ADGRG2: variants seen among roughly 807,000 people sequenced by gnomAD.
ADGRG2 encodes the protein G protein-coupled receptor 64.
ADGRG2 carries 26 observed loss-of-function variants against 74.1 expected under a neutral mutation model. The observed-to-expected ratio is 0.35, with a 90% CI of 0.26 to 0.49. The LOEUF (loss-of-function observed/expected upper bound fraction) is 0.49, where lower values mean the gene tolerates loss of function less well. Among genes scored for constraint, ADGRG2 ranks in the 20% least tolerant of loss-of-function variants. ADGRG2 has a pLI of 0.99. For missense variants in ADGRG2, 619 were observed against 763.1 expected, an observed-to-expected ratio of 0.81 and a Z score of 2.22; for synonymous variants, 296 against 295.2, an observed-to-expected ratio of 1.00 and a Z score of -0.03.
rs946773378 is a variant in ADGRG2 at position 19,115,342 on chromosome X, T to G, written c.-47+7100A>C. On this transcript the variant is annotated intron_variant, in intron 1 of 28. Transcript: ENST00000379869. ...AAAGTCCCTGCCTTCCTGGAACTTA[T>G]ATTCCAGGAAGGAAAAGAAGACGCA... Among the ~76,000 whole-genome samples, 3 of 111,576 alleles carry G rather than the reference T, an allele frequency of 2.7e-5. No individual in the cohort carries two copies. The Admixed American group carries it at 2.9e-4, about 11-fold the overall frequency.
At chrX:19,061,634 T>C (rs1320954817) in intron 3 of ADGRG2, among the ~76,000 whole-genome samples, 1 of 112,271 alleles carries the variant, frequency 8.9e-6, no homozygotes, top group Non-Finnish European at 1.9e-5. Flanking sequence ...CTCCCTTTTG[T>C]TTCAGAGCCT....
Position 19,037,575 on chromosome X carries a change from T to C in ADGRG2, c.202+14A>G. On this transcript the variant is annotated intron_variant, in intron 5 of 28. Transcript: ENST00000379869. ...TTGGACTAAATCTAGGTTTAAATTT[T>C]TTCAAAATCTTGCCTGGAGTACCAT... is the stretch of plus-strand genomic sequence containing the variant. 1.7e-6 allele frequency: 2 copies of C among 1,164,558 alleles called. No homozygotes were observed. The highest frequency in any genetic ancestry group is 2.3e-6 in the Non-Finnish European group (2 of 862,404).
At chrX:18,996,638 C>G (rs556709364) in intron 26 of ADGRG2, among the ~76,000 whole-genome samples, 3 of 109,125 alleles carry the variant, frequency 2.7e-5, no homozygotes, top group African/African-American at 1.0e-4. Flanking sequence ...CTCTCTCCCC[C>G]TCAAACCCAG....
At chrX:19,040,130 G>A in intron 4 of ADGRG2, 59 bp downstream of exon 4, 1 of 782,698 alleles carries the variant, frequency 1.3e-6, no homozygotes, top group Non-Finnish European at 2.0e-6. Flanking sequence ...ATGTTTCATA[G>A]AGAACTTACA....
At chrX:19,119,519 T>C (rs1200335367) in intron 1 of ADGRG2, among the ~76,000 whole-genome samples, 1 of 112,048 alleles carries the variant, frequency 8.9e-6, no homozygotes, top group Non-Finnish European at 1.9e-5. Context: ...ATCCCTCCTT[T>C]CTATCTTTTG....
chrX:19,117,305 T>G (rs1347345729), intron 1 of ADGRG2, among the ~76,000 whole-genome samples: 1 of 105,956 alleles, frequency 9.4e-6, no homozygotes, highest in Non-Finnish European at 2.0e-5. Flanking sequence ...AAAAAAAAAA[T>G]TAAAAAATTA....
At chrX:19,031,513 C>A (rs145222016) in intron 8 of ADGRG2, 1 of 113,924 alleles carries the variant, frequency 8.8e-6, no homozygotes, top group Non-Finnish European at 1.8e-5. Flanking sequence ...TGGGCAAAAA[C>A]TACAAAATTC....
chrX:19,111,874 T>G (rs1252502228), intron 1 of ADGRG2, among the ~76,000 whole-genome samples: 1 of 110,996 alleles, frequency 9.0e-6, no homozygotes, highest in Non-Finnish European at 1.9e-5. Context: ...AGTAATGAAT[T>G]GCAGACCTAT....
chrX:19,020,887 G>A (rs781616982), intron 14 of ADGRG2, among the ~76,000 whole-genome samples: 4 of 110,582 alleles, frequency 3.6e-5, no homozygotes, highest in Admixed American at 9.7e-5. Context: ...ACCTGAATCC[G>A]GGAAGTGGAG....
intron 2 of ADGRG2, among the ~76,000 whole-genome samples, chrX:19,070,967 CTTCATTCATTCA>C (rs368910522): frequency 9.0e-6 from 1 of 111,061 alleles, no homozygotes; most frequent in East Asian, 2.8e-4. Flanking sequence ...TAGCTGTGCT[CTTCATTCATTCA>C]TTCATTCATT....
chrX:19,110,419 A>G lies in ADGRG2; in HGVS notation c.-47+12023T>C, dbSNP rs113221989. 1.6e-3 allele frequency among the ~76,000 whole-genome samples: 173 copies of G among 111,460 alleles called. 1 individual carries two copies. Among genetic ancestry groups the G allele is most frequent in the African/African-American group, 5.3e-3 (163 of 30,702 alleles). ...AAGGAGGGACCAGGCGCGGTGGCTCATGCCTGTAATCCCAGCACTTTGGGA... is the reference window on the plus strand; with the variant it reads ...AAGGAGGGACCAGGCGCGGTGGCTCGTGCCTGTAATCCCAGCACTTTGGGA... On this transcript the variant is annotated intron_variant, in intron 1 of 28. Coordinates refer to ENST00000379869, the MANE Select transcript of ADGRG2 (RefSeq NM_001079858.3).
chrX:19,028,565 G>A (rs1184942032), intron 9 of ADGRG2, among the ~76,000 whole-genome samples: 1 of 110,727 alleles, frequency 9.0e-6, no homozygotes, highest in East Asian at 2.8e-4. Flanking sequence ...ATATGCAGGG[G>A]TGTCCACTCT....
intron 4 of ADGRG2, among the ~76,000 whole-genome samples, chrX:19,038,282 A>AAAAGC (rs1427332073): frequency 8.9e-6 from 1 of 112,262 alleles, no homozygotes; most frequent in Non-Finnish European, 1.9e-5. Flanking sequence ...TAAACATGGG[A>AAAAGC]AAAGCAAACA....
At chrX:19,092,275 AC>A (rs1248850018) in intron 1 of ADGRG2, among the ~76,000 whole-genome samples, 1 of 112,059 alleles carries the variant, frequency 8.9e-6, no homozygotes, top group Non-Finnish European at 1.9e-5. Flanking sequence ...TACAGAGTTA[AC>A]AACACCTTCC....
At chrX:19,079,760 G>T (rs2061811666) in intron 2 of ADGRG2, among the ~76,000 whole-genome samples, 1 of 112,230 alleles carries the variant, frequency 8.9e-6, no homozygotes, top group Non-Finnish European at 1.9e-5. Context: ...TAAGCGGTAA[G>T]TGCTTTCTGA....
In ADGRG2 at chrX:19,008,237, A is replaced by ATTTTT. The variant is rs1569366951; in HGVS notation, c.1423-115_1423-114insAAAAA. 6 of 492,330 alleles carry ATTTTT rather than the reference A, an allele frequency of 1.2e-5. No homozygotes were observed. In the African/African-American group the frequency reaches 1.6e-4, roughly 13 times the overall value. 40.6% of individuals were successfully genotyped at this position (492,330 alleles called of 1,213,427 possible). On this transcript the variant is annotated intron_variant, in intron 18 of 28. Transcript: ENST00000379869. The stretch of plus-strand genomic sequence containing the variant: ...TGCAGTATGTGCCATTTTTTTTTTA[A>ATTTTT]AAAAAGATAAAAACCACAATTACTT...
chrX:19,031,178 C>T (rs1250324947), intron 8 of ADGRG2, 141 bp from the exon 9 acceptor site: 3 of 475,902 alleles, frequency 6.3e-6, no homozygotes, highest in African/African-American at 2.4e-5. Context: ...TGGATGAATT[C>T]CACAAAGACT....
chrX:19,026,262 C>T (rs1284291625), intron 11 of ADGRG2, among the ~76,000 whole-genome samples: 1 of 112,644 alleles, frequency 8.9e-6, no homozygotes, highest in Non-Finnish European at 1.9e-5. Flanking sequence ...TTTTTCTTTT[C>T]AGTGTCATCA....
chrX:19,013,340 T>C (rs2060398045), intron 16 of ADGRG2, among the ~76,000 whole-genome samples: 1 of 112,173 alleles, frequency 8.9e-6, no homozygotes. Flanking sequence ...AGATCTGTGC[T>C]TGCCCTTTAG....
Sources: gnomAD v4.1 joint callset for allele counts (sites outside exome capture counted in the v4.1 genomes callset) on GRCh38, gnomAD v4.1.1 for gene constraint, MANE v1.5 for transcripts, NCBI Gene and HGNC (gene_info 2026-07-23, HGNC 2026-07-21) for gene names.